Variants in FSIP2 observed in about 807,000 individuals in gnomAD.
FSIP2 encodes fibrous sheath-interacting protein 2.
FSIP2 carries 367 observed loss-of-function variants against 510.5 expected under a neutral mutation model. The ratio of observed to expected loss-of-function variants is 0.72; its 90% confidence interval spans 0.66 to 0.78. The LOEUF (loss-of-function observed/expected upper bound fraction) is 0.78. Ranked by LOEUF, FSIP2 falls within the 30% of genes least tolerant of loss-of-function variation. FSIP2 has a pLI of 0.00. For synonymous variants in FSIP2, 2,601 were observed against 2,732.2 expected (o/e 0.95, Z 1.50); for missense variants, 7,594 against 7,901.7 (o/e 0.96, Z 1.48).
Position 185,748,905 on chromosome 2 carries a change from T to C in FSIP2, c.870+1482T>C, listed in dbSNP as rs148827614. 1.8e-3 allele frequency among the ~76,000 whole-genome samples: 267 copies of C among 152,222 alleles called. 1 individual carries two copies. Among genetic ancestry groups the C allele is most frequent in the African/African-American group, 6.2e-3 (258 of 41,558 alleles). On this transcript the variant is annotated intron_variant, in intron 7 of 22. Coordinates refer to ENST00000424728, the MANE Select transcript of FSIP2 (RefSeq NM_173651.4). ...GTTTCATTACATTATTATGTCATGA[T>C]TTTCAGATTTGACATTATATATTTT...
At chr2:185,820,229 T>C (rs1352913650) in intron 19 of FSIP2, among the ~76,000 whole-genome samples, 8 of 152,050 alleles carry the variant, frequency 5.3e-5, no homozygotes, top group African/African-American at 1.9e-4. Context: ...GATTGTTCTG[T>C]AAGGAGCTTT....
chr2:185,790,196 C>T lies in FSIP2; in HGVS notation c.3060C>T (p.Phe1020=), dbSNP rs377152215. Residue 1020 remains phenylalanine, a synonymous_variant, in exon 16 of 23, where the codon TTC becomes TTT. Coordinates refer to ENST00000424728, the MANE Select transcript of FSIP2 (RefSeq NM_173651.4). ...TAAAAAATGTGCTTGATTCAACTTTCAAAGATGAAAAAGTAAAATCACAAG... is the reference window on the plus strand; with the variant it reads ...TAAAAAATGTGCTTGATTCAACTTTTAAAGATGAAAAAGTAAAATCACAAG... The part of the protein sequence containing the change: ...NIVKNVLDST[F]KDEKVKSQEQ... 1.3e-6 allele frequency: 2 copies of T among 1,530,528 alleles called. No homozygotes were observed. The highest frequency in any genetic ancestry group is 1.2e-5 in the South Asian group (1 of 82,996). 94.8% of individuals were successfully genotyped at this position (1,530,528 alleles called of 1,614,324 possible).
chr2:185,811,625 T>C (rs1357279263), intron 17 of FSIP2, among the ~76,000 whole-genome samples: 1 of 152,104 alleles, frequency 6.6e-6, no homozygotes, highest in Non-Finnish European at 1.5e-5. Flanking sequence ...TAAGAGCTAA[T>C]GTTCAAGACA....
At position 185,796,426 on chromosome 2, in the gene FSIP2, T is replaced by C. The variant is rs1693279703; in HGVS notation, c.9290T>C (p.Leu3097Pro). ...SDMLAVIKNK[L>P]DNEISQMEPS... is the part of the protein sequence containing the mutation. ...ATGCTTGCTGTAATTAAGAACAAGC[T>C]AGACAACGAAATAAGCCAAATGGAA... Residue 3097 changes from leucine to proline, a missense_variant, in exon 16 of 23, where the codon CTA becomes CCA. Coordinates refer to ENST00000424728, the MANE Select transcript of FSIP2 (RefSeq NM_173651.4). 2.0e-6 allele frequency: 3 copies of C among 1,534,602 alleles called. No individual in the cohort carries two copies. The highest frequency in any genetic ancestry group is 2.6e-6 in the Non-Finnish European group (3 of 1,145,990).
In FSIP2 at chr2:185,821,380, C is replaced by T. The variant is rs79778582; in HGVS notation, c.20427-3054C>T. On this transcript the variant is annotated intron_variant, in intron 19 of 22. Coordinates refer to ENST00000424728, the MANE Select transcript of FSIP2 (RefSeq NM_173651.4). ...TGTCACAAATTTCAAAGAATTAACA[C>T]TAACCCCCCTCAGACTTTTCCAAAA... Among the ~76,000 whole-genome samples the T allele has an allele frequency of 1.7e-3, 264 of 152,010 alleles. 1 individual carries two copies. Among genetic ancestry groups the T allele is most frequent in the African/African-American group, 6.1e-3 (255 of 41,512 alleles).
chr2:185,785,509 G>C (rs1692950883), intron 14 of FSIP2, among the ~76,000 whole-genome samples: 1 of 151,998 alleles, frequency 6.6e-6, no homozygotes, highest in Admixed American at 6.6e-5. Flanking sequence ...AAGAAGAAAA[G>C]CAGCAGTACA....
At chr2:185,759,288 T>C (rs1335184362) in intron 9 of FSIP2, among the ~76,000 whole-genome samples, 2 of 149,724 alleles carry the variant, frequency 1.3e-5, no homozygotes, top group African/African-American at 4.9e-5. Context: ...ACGAATCTGC[T>C]CCTTTTTTCT....
intron 20 of FSIP2, among the ~76,000 whole-genome samples, chr2:185,825,275 T>C (rs1693995152): frequency 6.6e-6 from 1 of 151,826 alleles, no homozygotes; most frequent in Non-Finnish European, 1.5e-5. Flanking sequence ...TGTGGAATTA[T>C]ACTTTGTTAG....
At chr2:185,825,846 C>A (rs541137650) in intron 20 of FSIP2, among the ~76,000 whole-genome samples, 42 of 151,912 alleles carry the variant, frequency 2.8e-4, no homozygotes, top group Middle Eastern at 3.4e-3. Context: ...GAAGTCCCAT[C>A]CCAAGGGTAA....
rs2105612604 is a variant in FSIP2, at chr2:185,790,570, CTCA to C, written c.3435_3437del (p.Gln1146del). 1 of 1,533,820 alleles carries C rather than the reference CTCA, an allele frequency of 6.5e-7. No homozygotes were observed. Among genetic ancestry groups the C allele is most frequent in the South Asian group, 1.2e-5 (1 of 83,844 alleles). ...GCTTCAGTTCTTGTTTCAGAAAAGCCTCAAGGACTGTCACATCAAGAATGGATA... is the reference window on the plus strand; with the variant it reads ...GCTTCAGTTCTTGTTTCAGAAAAGCCAGGACTGTCACATCAAGAATGGATA... On this transcript the variant is annotated inframe_deletion, in exon 16 of 23. Transcript: ENST00000424728.
At chr2:185,777,009 C>T (rs185288869) in intron 13 of FSIP2, among the ~76,000 whole-genome samples, 4 of 152,166 alleles carry the variant, frequency 2.6e-5, no homozygotes, top group Admixed American at 1.3e-4. Context: ...CAGGCGTGAG[C>T]CACCGTGCCT....
At position 185,793,210 on chromosome 2, in the gene FSIP2, C is replaced by G. The variant is rs1240897924; in HGVS notation, c.6074C>G (p.Pro2025Arg). ...KQELDKEREN[P>R]FLTHDIGISE... is the part of the protein sequence containing the mutation. ...GAATTAGATAAAGAAAGGGAAAATC[C>G]TTTTTTAACTCATGACATTGGGATT... Residue 2025 changes from proline (P) to arginine (R), a missense_variant, in exon 16 of 23, where the codon CCT becomes CGT. Coordinates refer to ENST00000424728, the MANE Select transcript of FSIP2 (RefSeq NM_173651.4). 1.6e-5 allele frequency: 25 copies of G among 1,533,500 alleles called. No homozygotes were observed. The Admixed American group carries it at 4.7e-4, about 29-fold the overall frequency. 95.0% of individuals were successfully genotyped at this position (1,533,500 alleles called of 1,614,324 possible).
rs377359084 is a variant in FSIP2 at position 185,807,004 on chromosome 2, C to A, written c.17698C>A (p.Pro5900Thr). 2.9e-5 allele frequency: 47 copies of A among 1,603,596 alleles called. No homozygotes were observed. The East Asian group carries it at 4.5e-4, about 15-fold the overall frequency. Residue 5900 changes from proline (P) to threonine (T), a missense_variant, in exon 17 of 23, where the codon CCT becomes ACT. By Grantham distance (38) the Pro-to-Thr change is conservative. Transcript: ENST00000424728. ...MPPMHKMMRKPSSDKIPSIDK... is the reference protein window; with the variant it reads ...MPPMHKMMRKTSSDKIPSIDK... ...ACCTATGCATAAAATGATGAGAAAA[C>A]CTTCTTCAGATAAGATACCATCAAT...
chr2:185,796,772 C>T lies in FSIP2; in HGVS notation c.9636C>T (p.Ser3212=), dbSNP rs1185930227. 1 of 1,534,934 alleles carries T rather than the reference C, an allele frequency of 6.5e-7. No homozygotes were observed. Among genetic ancestry groups the T allele is most frequent in the African/African-American group, 1.4e-5 (1 of 72,912 alleles). The change falls in exon 16 of 23, where the codon TCC becomes TCT. Residue 3212 remains serine, a synonymous_variant. Transcript: ENST00000424728. ...VSSDLPTSVR[S]SVEDTVKNSE... ...CAGATTTACCCACCTCTGTCAGATC[C>T]TCTGTAGAAGACACAGTTAAAAACT... is the stretch of plus-strand genomic sequence containing the variant.
At chr2:185,812,834 T>C (rs1231746421) in intron 17 of FSIP2, among the ~76,000 whole-genome samples, 3 of 152,104 alleles carry the variant, frequency 2.0e-5, no homozygotes, top group African/African-American at 7.2e-5. Context: ...TGGTTTATGA[T>C]ATTACAAAGG....
chr2:185,784,828 C>CTCA (rs1466868656), intron 14 of FSIP2, among the ~76,000 whole-genome samples: 1 of 152,024 alleles, frequency 6.6e-6, no homozygotes, highest in African/African-American at 2.4e-5. Context: ...AACTATAATT[C>CTCA]TCATCATTTT....
At position 185,761,109 on chromosome 2, in the gene FSIP2, C is replaced by G; in HGVS notation, c.1194+6C>G. ...ATAATGGTATAAATCAAAAGGTATA[C>G]AATTATGCTTTAAAGTTTTGTGTTG... On this transcript the variant is annotated splice_donor_region_variant and intron_variant, in intron 10 of 22. Coordinates refer to ENST00000424728, the MANE Select transcript of FSIP2 (RefSeq NM_173651.4). The G allele has an allele frequency of 1.8e-6, 2 of 1,122,808 alleles. No individual in the cohort carries two copies. The highest frequency in any genetic ancestry group is 1.5e-5 in the South Asian group (1 of 66,070). The allele number at this position is 1,122,808 out of a possible 1,614,324, so 69.6% of individuals were successfully genotyped here.
chr2:185,806,217 T>C lies in FSIP2; in HGVS notation c.16911T>C (p.Asn5637=), dbSNP rs764096459. ...FQLSSLKSKR[N]LGTTTDTLEI... ...TATCCTCCTTGAAGTCCAAGAGAAA[T>C]CTAGGGACTACAACAGATACTTTGG... Residue 5637 remains asparagine, a synonymous_variant, in exon 17 of 23, where the codon AAT becomes AAC. Coordinates refer to ENST00000424728, the MANE Select transcript of FSIP2 (RefSeq NM_173651.4). 1.1e-5 allele frequency: 17 copies of C among 1,605,766 alleles called. No homozygotes were observed. In the South Asian group the frequency reaches 1.8e-4, roughly 17 times the overall value.
intron 9 of FSIP2, among the ~76,000 whole-genome samples, chr2:185,758,737 G>A (rs1276716308): frequency 6.6e-6 from 1 of 151,096 alleles, no homozygotes; most frequent in Non-Finnish European, 1.5e-5. Context: ...TACAAATCTA[G>A]TTGCTTTGGC....
Sources: allele counts gnomAD v4.1 joint callset (sites outside exome capture counted in the v4.1 genomes callset), GRCh38; gene constraint gnomAD v4.1.1; transcripts MANE v1.5; gene names NCBI Gene and HGNC (gene_info 2026-07-23, HGNC 2026-07-21).